The following HSPG2 variants were observed in gnomAD, a reference collection of about 807,000 sequenced individuals.
HSPG2 encodes the protein heparan sulfate proteoglycan 2.
In HSPG2, 278 loss-of-function variants were observed where a neutral mutation model predicts 526.6. That is an observed-to-expected ratio of 0.53 (90% CI 0.48 to 0.58). The LOEUF (loss-of-function observed/expected upper bound fraction) is 0.58, where lower values mean the gene tolerates loss of function less well. Ranked by LOEUF, HSPG2 falls within the 20% of genes least tolerant of loss-of-function variation. The pLI is 0.00. For synonymous variants in HSPG2, 2,465 were observed against 2,555.4 expected (o/e 0.96, Z 1.07); for missense variants, 5,354 against 6,099.5 (o/e 0.88, Z 4.07).
intron 74 of HSPG2, 43 bp from the exon 75 acceptor site, chr1:21,837,049 G>T: frequency 1.3e-6 from 2 of 1,501,100 alleles, no homozygotes; most frequent in Non-Finnish European, 1.8e-6. Flanking sequence ...ATGTGTGTGT[G>T]ATGTCCCTGA....
At position 21,829,431 on chromosome 1, in the gene HSPG2, G is replaced by A. The variant is rs1373697907; in HGVS notation, c.11944C>T (p.Leu3982=). ...TCCAGGTGGCCGCCCACCATCGCCA[G>A]GGACACGAAGTCCTCCACAGGCCCG... is the stretch of plus-strand genomic sequence containing the variant. ...KSGPVEDFVS[L]AMVGGHLEFR... Residue 3982 remains leucine (L), a synonymous_variant, in exon 87 of 97, where the codon CTG becomes TTG. Coordinates refer to ENST00000374695, the MANE Select transcript of HSPG2 (RefSeq NM_005529.7). The A allele has an allele frequency of 5.6e-6, 9 of 1,613,414 alleles. No individual in the cohort carries two copies. Among genetic ancestry groups the A allele is most frequent in the Non-Finnish European group, 7.6e-6 (9 of 1,179,876 alleles).
In HSPG2 at chr1:21,829,005, T is replaced by C. The variant is rs753779661; in HGVS notation, c.12067A>G (p.Lys4023Glu). Residue 4023 changes from lysine (K) to glutamate (E), a missense_variant, in exon 88 of 97, where the codon AAG becomes GAG. Coordinates refer to ENST00000374695, the MANE Select transcript of HSPG2 (RefSeq NM_005529.7). ...CCATTCACCCGCAGGCTGCCGTCCT[T>C]GTTGAGACGCTCTGCAGACACACGG... ...WHRVSAERLN[K>E]DGSLRVNGGR... 1.9e-6 allele frequency: 3 copies of C among 1,564,658 alleles called. No individual in the cohort carries two copies. Among genetic ancestry groups the C allele is most frequent in the South Asian group, 1.2e-5 (1 of 84,970 alleles).
rs375179372 is a variant in HSPG2, at chr1:21,902,352, C to T, written c.64-6042G>A. Among the ~76,000 whole-genome samples, 201 of 152,308 alleles carry T rather than the reference C, an allele frequency of 1.3e-3. 1 individual carries two copies. The highest frequency in any genetic ancestry group is 4.5e-3 in the African/African-American group (186 of 41,576). Reference sequence around the variant, plus strand: ...GCCAGTCAGCCAGGAGAAATACGGACGCCCCCAAACAAGGAGAGGGTCCAA... The same window carrying T: ...GCCAGTCAGCCAGGAGAAATACGGATGCCCCCAAACAAGGAGAGGGTCCAA... On this transcript the variant is annotated intron_variant, in intron 1 of 96. Coordinates refer to ENST00000374695, the MANE Select transcript of HSPG2 (RefSeq NM_005529.7).
rs1177350206 is a variant in HSPG2, at chr1:21,858,889, G to A, written c.5293+677C>T. On this transcript the variant is annotated intron_variant, in intron 42 of 96. Transcript: ENST00000374695. The surrounding 1 kb of genome is among the most constrained non-coding windows in gnomAD (Gnocchi z 4.2). ...CCCCAGGGCAGGGTGACTTTGAGGTGCGTGTTTTACACCGGCTCCCTTTAA... is the reference window on the plus strand; with the variant it reads ...CCCCAGGGCAGGGTGACTTTGAGGTACGTGTTTTACACCGGCTCCCTTTAA... Among the ~76,000 whole-genome samples the A allele has an allele frequency of 6.6e-6, 1 of 152,154 alleles. No individual in the cohort carries two copies. Among genetic ancestry groups the A allele is most frequent in the Admixed American group, 6.5e-5 (1 of 15,284 alleles).
intron 33 of HSPG2, among the ~76,000 whole-genome samples, chr1:21,868,269 C>T (rs1640391872): frequency 1.3e-5 from 2 of 151,870 alleles, no homozygotes; most frequent in African/African-American, 4.8e-5. Context: ...GAACTCCTGA[C>T]CTCAGGTGTT....
rs1273717173 is a variant in HSPG2 at position 21,854,349 on chromosome 1, C to T, written c.6289-6G>A. The T allele has an allele frequency of 2.6e-6, 4 of 1,563,194 alleles. No individual in the cohort carries two copies. The South Asian group carries it at 4.7e-5, about 18-fold the overall frequency. ...CGCAGACGGGAGCCGTGCACCTGGG[C>T]CAGGAGGAGCCAGAGGTACGTGAGG... is the stretch of plus-strand genomic sequence containing the variant. On this transcript the variant is annotated splice_polypyrimidine_tract_variant and splice_region_variant and intron_variant, in intron 49 of 96. Transcript: ENST00000374695.
At chr1:21,924,274 G>A (rs1248997103) in intron 1 of HSPG2, among the ~76,000 whole-genome samples, 2 of 152,226 alleles carry the variant, frequency 1.3e-5, no homozygotes, top group Non-Finnish European at 2.9e-5. Context: ...GGAAGAAATT[G>A]GAGGCATGGT....
chr1:21,844,396 G>T, intron 64 of HSPG2, 97 bp from the exon 65 acceptor site: 1 of 1,339,866 alleles, frequency 7.5e-7, no homozygotes, highest in Non-Finnish European at 1.0e-6. Context: ...GGCCATTTGG[G>T]ACATGGCTTC....
chr1:21,855,434 G>A lies in HSPG2; in HGVS notation c.5867C>T (p.Pro1956Leu). The A allele has an allele frequency of 6.2e-7, 1 of 1,613,132 alleles. No individual in the cohort carries two copies. Among genetic ancestry groups the A allele is most frequent in the Non-Finnish European group, 8.5e-7 (1 of 1,179,862 alleles). The change falls in exon 47 of 97, where the codon CCC becomes CTC. Residue 1956 changes from proline to leucine, a missense_variant. Coordinates refer to ENST00000374695, the MANE Select transcript of HSPG2 (RefSeq NM_005529.7). ...AVLHVHGGGG[P>L]RVQVSPERTQ... ...CCTCTCTGGGCTCACTTGGACTCTG[G>A]GCCCACCGCCCCCTGCAGACAGAGT...
At chr1:21,906,733 G>C (rs553069949) in intron 1 of HSPG2, among the ~76,000 whole-genome samples, 12 of 150,796 alleles carry the variant, frequency 8.0e-5, no homozygotes, top group Admixed American at 7.9e-4. Flanking sequence ...CTGGGGGGTG[G>C]GGGGGGGTCA....
Position 21,880,162 on chromosome 1 carries a change from C to G in HSPG2, c.2288G>C (p.Gly763Ala). 6.2e-7 allele frequency: 1 copy of G among 1,614,112 alleles called. No individual in the cohort carries two copies. The highest frequency in any genetic ancestry group is 1.1e-5 in the South Asian group (1 of 91,084). ...PGGPYLGTCS[G>A]CNCNGHASSC... ...GCTGGCATGGCCATTGCAATTGCAA[C>G]CAGAGCAGGTGCCCAGGTAGGGCCC... The change falls in exon 17 of 97, where the codon GGT (glycine) becomes GCT (alanine). Residue 763 changes from glycine to alanine, a missense_variant. Physicochemically the swap from Gly to Ala is moderately conservative, Grantham distance 60. Transcript: ENST00000374695.
chr1:21,857,451 T>G, intron 42 of HSPG2, 66 bp from the exon 43 acceptor site: 1 of 1,400,280 alleles, frequency 7.1e-7, no homozygotes, highest in Middle Eastern at 1.9e-4. Context: ...GGCCACTTTG[T>G]CTTTCTCCAT....
chr1:21,875,116 G>C (rs1039960694), intron 25 of HSPG2, 114 bp from the exon 26 acceptor site: 11 of 793,610 alleles, frequency 1.4e-5, no homozygotes, highest in Non-Finnish European at 2.4e-5. Context: ...TCACAGTGCT[G>C]CTGGGGCCCT....
chr1:21,900,894 T>C (rs938021031), intron 1 of HSPG2, among the ~76,000 whole-genome samples: 23 of 151,542 alleles, frequency 1.5e-4, no homozygotes, highest in African/African-American at 5.1e-4. Flanking sequence ...AAAAAAAAAG[T>C]TTATAGCAAG....
At chr1:21,836,747 C>T (rs1043044501) in intron 75 of HSPG2, 55 bp downstream of exon 75, 4 of 1,470,820 alleles carry the variant, frequency 2.7e-6, no homozygotes, top group Non-Finnish European at 3.7e-6. Flanking sequence ...ACTCTGCTCA[C>T]TGTGAGCCCT....
chr1:21,868,882 T>G (rs1640438780), intron 33 of HSPG2: 10 of 963,106 alleles, frequency 1.0e-5, no homozygotes, highest in Non-Finnish European at 1.2e-5. Context: ...AAATCCTTGT[T>G]ACCTTGTCCC....
chr1:21,846,125 CTT>C lies in HSPG2; in HGVS notation c.8445_8446del (p.Ser2816CysfsTer71). On this transcript the variant is annotated frameshift_variant, in exon 64 of 97. Transcript: ENST00000374695. LOFTEE classifies it high-confidence loss of function. ...ACCCTCACCGGGGACGTGGACAGCACTTGAGCCAGAGGCTTCGATGGTGACCA... is the reference window on the plus strand; with the variant it reads ...ACCCTCACCGGGGACGTGGACAGCACGAGCCAGAGGCTTCGATGGTGACCA... 6.2e-7 allele frequency: 1 copy of C among 1,612,948 alleles called. No homozygotes were observed. Among genetic ancestry groups the C allele is most frequent in the Non-Finnish European group, 8.5e-7 (1 of 1,180,040 alleles).
chr1:21,853,159 C>A (rs1381615604), intron 50 of HSPG2, 89 bp from the exon 51 acceptor site: 7 of 1,566,512 alleles, frequency 4.5e-6, no homozygotes, highest in African/African-American at 1.4e-5. Context: ...TGACCAGGCC[C>A]TAGTGGGGAC....
intron 1 of HSPG2, among the ~76,000 whole-genome samples, chr1:21,922,544 T>TC (rs1049109229): frequency 2.6e-5 from 4 of 151,824 alleles, no homozygotes; most frequent in African/African-American, 9.7e-5. Flanking sequence ...AGAGGGTGCA[T>TC]CCCCCCACCA....
Sources: gnomAD v4.1 joint callset for allele counts (sites outside exome capture counted in the v4.1 genomes callset) on GRCh38, gnomAD v4.1.1 for gene constraint, Gnocchi (gnomAD v3.1) non-coding constraint, MANE v1.5 for transcripts, NCBI Gene and HGNC (gene_info 2026-07-23, HGNC 2026-07-21) for gene names.